The following RBFOX1 variants were observed in gnomAD, a reference collection of about 807,000 sequenced individuals.
The protein encoded by RBFOX1 is RNA binding fox-1 homolog 1.
A neutral mutation model predicts 57.7 loss-of-function variants in RBFOX1; 8 were observed. That is an observed-to-expected ratio of 0.14 (90% CI 0.08 to 0.25). The LOEUF (loss-of-function observed/expected upper bound fraction) is 0.25, where lower values mean the gene tolerates loss of function less well. RBFOX1 is among the 10% of genes least tolerant of loss of function. The probability of loss-of-function intolerance (pLI) is 1.00; values close to 1 mark genes in which losing one functional copy is unlikely to be tolerated. For missense variants in RBFOX1, 611 were observed against 548.5 expected (o/e 1.11, Z -1.14); for synonymous variants, 326 against 222.4 (o/e 1.47, Z -4.15).
chr16:7,355,918 G>C (rs2097207024), intron 4 of RBFOX1, among the ~76,000 whole-genome samples: 1 of 152,210 alleles, frequency 6.6e-6, no homozygotes, highest in South Asian at 2.1e-4. Context: ...CAATCTGCCG[G>C]AGGCAAAATG....
rs142180304 is a variant in RBFOX1, at chr16:6,669,579, G to A, written c.-16+14929G>A. Among the ~76,000 whole-genome samples, 294 of 152,188 alleles carry A rather than the reference G, an allele frequency of 1.9e-3. 2 individuals carry two copies. Among genetic ancestry groups the A allele is most frequent in the African/African-American group, 6.8e-3 (281 of 41,520 alleles). ...TTTTCATATACATTATGAAAAAGTC[G>A]TTAGAATCAAGTGAATTAACACATC... On this transcript the variant is annotated intron_variant, in intron 3 of 15. Coordinates refer to ENST00000550418, the MANE Select transcript of RBFOX1 (RefSeq NM_018723.4).
chr16:5,539,977 G>C (rs2044865012), intron 2 of RBFOX1, among the ~76,000 whole-genome samples: 1 of 152,100 alleles, frequency 6.6e-6, no homozygotes. Context: ...ATTGGAAAAA[G>C]TACATTTTAG....
At chr16:6,895,946 A>G (rs945024966) in intron 3 of RBFOX1, among the ~76,000 whole-genome samples, 1 of 152,058 alleles carries the variant, frequency 6.6e-6, no homozygotes, top group African/African-American at 2.4e-5. Flanking sequence ...GTATATATAT[A>G]TATTTGTGGG....
chr16:6,758,507 G>T (rs2076146497), intron 3 of RBFOX1, among the ~76,000 whole-genome samples: 1 of 152,058 alleles, frequency 6.6e-6, no homozygotes, highest in African/African-American at 2.4e-5. Flanking sequence ...TGAGAGTCCA[G>T]CCTAGAATAC....
At chr16:5,926,938 T>A (rs942930360) in intron 4 of RBFOX1, among the ~76,000 whole-genome samples, 1 of 152,058 alleles carries the variant, frequency 6.6e-6, no homozygotes, top group Non-Finnish European at 1.5e-5. Context: ...GGTGGTAGAG[T>A]TGGGATGTGA....
chr16:6,589,580 G>A (rs544805199), intron 2 of RBFOX1, among the ~76,000 whole-genome samples: 1 of 152,324 alleles, frequency 6.6e-6, no homozygotes, highest in East Asian at 1.9e-4. Context: ...TACAATAGTG[G>A]TGTTATCCCA....
chr16:5,441,395 C>T (rs187499542), intron 1 of RBFOX1, among the ~76,000 whole-genome samples: 5 of 139,712 alleles, frequency 3.6e-5, no homozygotes, highest in East Asian at 2.2e-4. Context: ...GACAGAGTCT[C>T]GCAGTGTCAC....
At chr16:5,604,367 C>T (rs2047484595), downstream of RBFOX1, among the ~76,000 whole-genome samples, 1 of 152,142 alleles carries the variant, frequency 6.6e-6, no homozygotes, top group South Asian at 2.1e-4. Context: ...GGAGTTTCAT[C>T]TGGAGCTCAG....
intron 3 of RBFOX1, among the ~76,000 whole-genome samples, chr16:6,664,557 T>C (rs1010071437): frequency 6.6e-6 from 1 of 152,212 alleles, no homozygotes. Context: ...TTTTCTCTGC[T>C]GAGAAGCAGG....
chr16:7,381,788 C>G (rs967099109), intron 4 of RBFOX1, among the ~76,000 whole-genome samples: 3 of 152,180 alleles, frequency 2.0e-5, no homozygotes, highest in Non-Finnish European at 4.4e-5. Flanking sequence ...ATCACGGTTT[C>G]TCCACCTTGG....
chr16:7,563,288 G>A (rs1183264124), intron 5 of RBFOX1, among the ~76,000 whole-genome samples: 1 of 152,116 alleles, frequency 6.6e-6, no homozygotes, highest in African/African-American at 2.4e-5. Context: ...GACTCATTTG[G>A]GGTAGATGCC....
At chr16:7,057,071 C>G (rs914942350) in intron 4 of RBFOX1, among the ~76,000 whole-genome samples, 2 of 150,812 alleles carry the variant, frequency 1.3e-5, no homozygotes, top group Non-Finnish European at 2.9e-5. Context: ...ACAAGGTGAG[C>G]TACTGTTAAT....
intron 3 of RBFOX1, among the ~76,000 whole-genome samples, chr16:5,805,407 T>C (rs2055193561): frequency 1.3e-5 from 2 of 152,368 alleles, no homozygotes; most frequent in South Asian, 4.1e-4. Flanking sequence ...ATGTGAATTC[T>C]GATCCTCAAT....
chr16:7,053,250 T>G (rs1598206729), intron 4 of RBFOX1, among the ~76,000 whole-genome samples: 1 of 152,216 alleles, frequency 6.6e-6, no homozygotes, highest in Admixed American at 6.5e-5. Flanking sequence ...TCTGTTTCTT[T>G]TATGCATATT....
At chr16:6,724,578 TC>T (rs1248257813) in intron 3 of RBFOX1, among the ~76,000 whole-genome samples, 14 of 152,118 alleles carry the variant, frequency 9.2e-5, no homozygotes, top group Admixed American at 9.2e-4. Context: ...ATCTTGGACT[TC>T]CCGGCCTCCA....
intron 2 of RBFOX1, among the ~76,000 whole-genome samples, chr16:6,525,489 C>A (rs1298746319): frequency 6.6e-6 from 1 of 152,168 alleles, no homozygotes; most frequent in Non-Finnish European, 1.5e-5. Flanking sequence ...GGAGCAAATG[C>A]ATGTTTCACT....
intron 3 of RBFOX1, among the ~76,000 whole-genome samples, chr16:5,794,473 A>C (rs2054808843): frequency 6.6e-6 from 1 of 151,558 alleles, no homozygotes; most frequent in Non-Finnish European, 1.5e-5. Context: ...GTGATACCAG[A>C]GGCACACTCA....
chr16:6,190,838 A>G (rs752719145), intron 1 of RBFOX1, among the ~76,000 whole-genome samples: 33 of 152,182 alleles, frequency 2.2e-4, no homozygotes, highest in Non-Finnish European at 4.0e-4. Flanking sequence ...CTTAAATTAG[A>G]GCCCACATTT....
chr16:7,282,012 C>G (rs1014185228), intron 4 of RBFOX1, among the ~76,000 whole-genome samples: 1 of 151,482 alleles, frequency 6.6e-6, no homozygotes, highest in Non-Finnish European at 1.5e-5. Context: ...ACCACAGGCG[C>G]GTGCCATCAC....
Sources: allele counts gnomAD v4.1 joint callset (sites outside exome capture counted in the v4.1 genomes callset), GRCh38; gene constraint gnomAD v4.1.1; transcripts MANE v1.5; gene names NCBI Gene and HGNC (gene_info 2026-07-23, HGNC 2026-07-21).